ZNF487: variants seen among roughly 807,000 people sequenced by gnomAD.
ZNF487 encodes the protein zinc finger protein 487.
In ZNF487, 4 loss-of-function variants were observed where a neutral mutation model predicts 3.0. The observed-to-expected ratio is 1.35, with a 90% CI of 0.66 to 3.08. The LOEUF is 3.08. Ranked by LOEUF, ZNF487 falls within the 30% of genes most tolerant of loss-of-function variation. The probability of loss-of-function intolerance (pLI) is 0.01; values close to 1 mark genes in which losing one functional copy is unlikely to be tolerated. For missense variants in ZNF487, 146 were observed against 98.7 expected (o/e 1.48, Z -2.03); for synonymous variants, 55 against 34.6 (o/e 1.59, Z -2.06).
intron 1 of ZNF487, among the ~76,000 whole-genome samples, chr10:43,474,888 T>G (rs1476720257): frequency 1.3e-5 from 2 of 151,250 alleles, no homozygotes; most frequent in Non-Finnish European, 3.0e-5. Context: ...CAGCCTAGGT[T>G]TTTTTTTTAA....
chr10:43,498,371 C>T, the ZNF487 span, among the ~76,000 whole-genome samples: 19 of 149,054 alleles, frequency 1.3e-4, no homozygotes, highest in East Asian at 8.2e-4. Flanking sequence ...TTCCGCCTCC[C>T]GGGTTCAAGT....
chr10:43,459,364 G>A (rs1389890130), intron 1 of ZNF487, among the ~76,000 whole-genome samples: 1 of 152,028 alleles, frequency 6.6e-6, no homozygotes, highest in Non-Finnish European at 1.5e-5. Flanking sequence ...CAAGTAGCCG[G>A]GACTACAGGT....
chr10:43,449,825 A>G (rs1035675717), intron 1 of ZNF487, among the ~76,000 whole-genome samples: 4 of 151,578 alleles, frequency 2.6e-5, no homozygotes, highest in African/African-American at 9.7e-5. Context: ...AATTACAGGC[A>G]CCCACCACCA....
chr10:43,494,302 G>A, the ZNF487 span, among the ~76,000 whole-genome samples: 1 of 152,054 alleles, frequency 6.6e-6, no homozygotes, highest in South Asian at 2.1e-4. Flanking sequence ...TTACATATAT[G>A]TGTCCCAAAA....
chr10:43,455,803 C>T (rs1339728673), intron 1 of ZNF487, among the ~76,000 whole-genome samples: 2 of 152,262 alleles, frequency 1.3e-5, no homozygotes, highest in African/African-American at 2.4e-5. Context: ...GCCAGGCTGG[C>T]AGCCGGCCTT....
chr10:43,520,706 A>G, the ZNF487 span, among the ~76,000 whole-genome samples: 1 of 152,210 alleles, frequency 6.6e-6, no homozygotes, highest in African/African-American at 2.4e-5. Flanking sequence ...ATTTTTTGGG[A>G]TATTATGGGA....
chr10:43,440,298 C>G (rs2132028248), intron 1 of ZNF487, among the ~76,000 whole-genome samples: 1 of 151,842 alleles, frequency 6.6e-6, no homozygotes, highest in African/African-American at 2.4e-5. Flanking sequence ...AATACGCCCG[C>G]CTCGGCCTCC....
the ZNF487 span, among the ~76,000 whole-genome samples, chr10:43,498,075 T>TATATATATA: frequency 7.1e-4 from 25 of 35,016 alleles, no homozygotes; most frequent in African/African-American, 3.6e-3. Context: ...ATTTGGTATT[T>TATATATATA]TATATATATA....
intron 1 of ZNF487, among the ~76,000 whole-genome samples, chr10:43,439,964 G>A (rs1432889591): frequency 1.3e-5 from 2 of 151,846 alleles, no homozygotes; most frequent in Non-Finnish European, 2.9e-5. Context: ...ATGTTCTAGA[G>A]ATCTGTTTCA....
chr10:43,456,178 A>C (rs921688986), intron 1 of ZNF487, among the ~76,000 whole-genome samples: 2 of 152,152 alleles, frequency 1.3e-5, no homozygotes, highest in Non-Finnish European at 2.9e-5. Flanking sequence ...AACCAACCCG[A>C]GATTCTGGGG....
chr10:43,523,547 CAG>C, the ZNF487 span: 8 of 152,122 alleles, frequency 5.3e-5, no homozygotes, highest in Non-Finnish European at 1.2e-4. Flanking sequence ...ATCCTTATGC[CAG>C]AGAGAAACAT....
chr10:43,448,489 G>T (rs1026744875), intron 1 of ZNF487, among the ~76,000 whole-genome samples: 3 of 152,002 alleles, frequency 2.0e-5, no homozygotes, highest in Non-Finnish European at 4.4e-5. Flanking sequence ...ACCTGTGTGG[G>T]TCTATGTATA....
At chr10:43,436,894 G>A (rs1432944850), upstream of ZNF487, 1 of 469,272 alleles carries the variant, frequency 2.1e-6, no homozygotes, top group Non-Finnish European at 4.4e-6. Flanking sequence ...TCGCTTTCGT[G>A]GGGAAGCCGG....
At chr10:43,501,951 GA>G in the ZNF487 span, among the ~76,000 whole-genome samples, 48 of 152,252 alleles carry the variant, frequency 3.2e-4, no homozygotes, top group East Asian at 8.1e-3. Flanking sequence ...ATTGTTGAAA[GA>G]AACTAAATAC....
chr10:43,522,012 A>T, the ZNF487 span, among the ~76,000 whole-genome samples: 1 of 152,212 alleles, frequency 6.6e-6, no homozygotes, highest in Non-Finnish European at 1.5e-5. Flanking sequence ...TTCATTAATG[A>T]CAACTGTGGT....
chr10:43,441,978 G>T (rs1589018123), intron 1 of ZNF487, among the ~76,000 whole-genome samples: 2 of 152,286 alleles, frequency 1.3e-5, no homozygotes, highest in East Asian at 3.9e-4. Flanking sequence ...TGTAATCTGA[G>T]TGCTTTGGGA....
the ZNF487 span, among the ~76,000 whole-genome samples, chr10:43,520,979 G>C: frequency 2.0e-5 from 3 of 152,176 alleles, no homozygotes; most frequent in Non-Finnish European, 4.4e-5. Context: ...TGGGACACTA[G>C]GCTCAGGGAT....
the ZNF487 span, among the ~76,000 whole-genome samples, chr10:43,490,512 T>TG: frequency 2.5e-5 from 3 of 121,436 alleles, no homozygotes; most frequent in East Asian, 7.7e-4. Flanking sequence ...TTTTTTTTTT[T>TG]TTTTTTTTTT....
At chr10:43,474,408 C>G (rs563047892) in intron 1 of ZNF487, among the ~76,000 whole-genome samples, 1 of 150,104 alleles carries the variant, frequency 6.7e-6, no homozygotes, top group Non-Finnish European at 1.5e-5. Flanking sequence ...GAGCTGAGAT[C>G]GTGCCATTGC....
Sources: gnomAD v4.1 joint callset for allele counts (sites outside exome capture counted in the v4.1 genomes callset) on GRCh38, gnomAD v4.1.1 for gene constraint, MANE v1.5 for transcripts, NCBI Gene and HGNC (gene_info 2026-07-23, HGNC 2026-07-21) for gene names.